Variants in KIF26B observed in about 807,000 individuals in gnomAD.
KIF26B encodes kinesin-like protein KIF26B.
Under a neutral mutation model 151.2 loss-of-function variants are expected in KIF26B, and 63 were observed. That is an observed-to-expected ratio of 0.42 (90% CI 0.34 to 0.51). The LOEUF (loss-of-function observed/expected upper bound fraction) is 0.51. Ranked by LOEUF, KIF26B falls within the 20% of genes least tolerant of loss-of-function variation. The pLI is 0.07. For synonymous variants in KIF26B, 1,357 were observed against 1,262.1 expected (o/e 1.08, Z -1.59); for missense variants, 2,813 against 2,913.6 (o/e 0.97, Z 0.79).
chr1:245,651,289 G>GAC (rs547538388), intron 10 of KIF26B, among the ~76,000 whole-genome samples: 1 of 152,310 alleles, frequency 6.6e-6, no homozygotes, highest in South Asian at 2.1e-4. Flanking sequence ...GAAAGGAAAT[G>GAC]ACACTTCATA....
At chr1:245,519,695 GCCT>G (rs2103089077) in intron 4 of KIF26B, among the ~76,000 whole-genome samples, 1 of 152,224 alleles carries the variant, frequency 6.6e-6, no homozygotes, top group East Asian at 1.9e-4. Flanking sequence ...AGATGGTATA[GCCT>G]CCTACACACC....
intron 4 of KIF26B, among the ~76,000 whole-genome samples, chr1:245,499,494 AT>A (rs1660577476): frequency 6.6e-6 from 1 of 152,204 alleles, no homozygotes; most frequent in African/African-American, 2.4e-5. Flanking sequence ...TTATTATCTG[AT>A]TTTATTATTC....
intron 10 of KIF26B, among the ~76,000 whole-genome samples, chr1:245,683,663 T>C (rs2044468685): frequency 6.6e-6 from 1 of 152,194 alleles, no homozygotes. Flanking sequence ...TTCAGGAATA[T>C]GAATGCCTTT....
intron 2 of KIF26B, among the ~76,000 whole-genome samples, chr1:245,172,356 G>A (rs1668728202): frequency 6.6e-6 from 1 of 152,220 alleles, no homozygotes; most frequent in Admixed American, 6.5e-5. Context: ...GGCTGGGAGG[G>A]AGTCGGAAGG....
chr1:245,688,333 A>G lies in KIF26B; in HGVS notation c.5350A>G (p.Thr1784Ala). ...CGGTGGGAAGCACACGCCCTGGTCC[A>G]CGCAGTCCCTCAGCAGGAACAGGAG... ...PPGGKHTPWS[T>A]QSLSRNRSSG... The change falls in exon 12 of 15, where the codon ACG becomes GCG. Residue 1784 changes from threonine to alanine, a missense_variant. By Grantham distance (58) the Thr-to-Ala change is moderately conservative (BLOSUM62 0). Around this residue, in one of 3 missense-constraint regions of KIF26B, gnomAD observed 2,060 missense variants for 2,088.6 expected, o/e 0.99. Coordinates refer to ENST00000407071, the MANE Select transcript of KIF26B (RefSeq NM_018012.4). The G allele has an allele frequency of 6.3e-7, 1 of 1,591,092 alleles. No individual in the cohort carries two copies.
chr1:245,627,888 G>A (rs1226293877), intron 9 of KIF26B, among the ~76,000 whole-genome samples: 1 of 152,094 alleles, frequency 6.6e-6, no homozygotes, highest in Non-Finnish European at 1.5e-5. Flanking sequence ...TAGAAGAAAT[G>A]GATAAATTCC....
intron 2 of KIF26B, among the ~76,000 whole-genome samples, chr1:245,266,082 T>G: frequency 6.6e-6 from 1 of 152,270 alleles, no homozygotes; most frequent in Non-Finnish European, 1.5e-5. Flanking sequence ...GGATTTGTAT[T>G]TAGAGTATGT....
intron 10 of KIF26B, among the ~76,000 whole-genome samples, chr1:245,671,776 G>A (rs2044289507): frequency 6.6e-6 from 1 of 152,202 alleles, no homozygotes; most frequent in South Asian, 2.1e-4. Flanking sequence ...TGGATTCATG[G>A]ATTTGAGCAG....
intron 3 of KIF26B, among the ~76,000 whole-genome samples, chr1:245,389,324 G>C (rs947221357): frequency 4.0e-5 from 6 of 151,812 alleles, no homozygotes; most frequent in Admixed American, 6.6e-5. Flanking sequence ...CATTGGCCAG[G>C]CTGGTCTTGA....
intron 2 of KIF26B, among the ~76,000 whole-genome samples, chr1:245,205,744 G>T (rs555069331): frequency 7.2e-6 from 1 of 138,806 alleles, no homozygotes; most frequent in Non-Finnish European, 1.5e-5. Context: ...ATAGGGTCTC[G>T]TTCTGTTGCC....
Position 245,474,423 on chromosome 1 carries a change from T to TG in KIF26B, c.1166+54678_1166+54679insG, listed in dbSNP as rs1413896767. ...GCTCCTGGCTTTTTTTTGTTGTTGT[T>TG]TTTTTTTTTTTGGAGTCTCACTCTG... On this transcript the variant is annotated intron_variant, in intron 4 of 14. Transcript: ENST00000407071. Among the ~76,000 whole-genome samples the TG allele has an allele frequency of 3.2e-3, 434 of 136,082 alleles. 9 individuals carry two copies. Among genetic ancestry groups the TG allele is most frequent in the Middle Eastern group, 7.6e-3 (2 of 262 alleles). 89.3% of individuals were successfully genotyped at this position (136,082 alleles called of 152,430 possible).
Position 245,211,738 on chromosome 1 carries a change from G to A in KIF26B, c.465+55055G>A, listed in dbSNP as rs561331194. Among the ~76,000 whole-genome samples, 10 of 152,310 alleles carry A rather than the reference G, an allele frequency of 6.6e-5. No homozygotes were observed. In the East Asian group the frequency reaches 1.9e-3, roughly 29 times the overall value. On this transcript the variant is annotated intron_variant, in intron 2 of 14. Transcript: ENST00000407071. The stretch of plus-strand genomic sequence containing the variant: ...ATAAAGAAAAAAATTTAAATCCTCT[G>A]TTTCTTCTCTTCCTCATCTTCCCTT...
At chr1:245,326,462 G>C (rs61744037) in intron 2 of KIF26B, among the ~76,000 whole-genome samples, 6,585 of 152,264 alleles carry the variant, frequency 0.043, 460 homozygotes, top group African/African-American at 0.15. Flanking sequence ...CCTCAGCCCA[G>C]AGATTCAAAT....
intron 2 of KIF26B, chr1:245,226,163 T>TG (rs35694848): frequency 6.6e-6 from 1 of 152,178 alleles, no homozygotes; most frequent in Non-Finnish European, 1.5e-5. Context: ...GTGGGCAAAG[T>TG]GGGGAAGATC....
At position 245,688,479 on chromosome 1, in the gene KIF26B, C is replaced by A. The variant is rs966709618; in HGVS notation, c.5496C>A (p.Arg1832=). ...GGGCCGGGCCCGAGGCGGAGGCGCG[C>A]GGGGGGGCCCTGGCCGAGGACGAGC... ...QLRAGPEAEA[R]GGALAEDEPA... The change falls in exon 12 of 15, where the codon CGC becomes CGA. Residue 1832 remains arginine, a synonymous_variant. Transcript: ENST00000407071. 48 of 1,385,500 alleles carry A rather than the reference C, an allele frequency of 3.5e-5. No individual in the cohort carries two copies. Among genetic ancestry groups the A allele is most frequent in the Non-Finnish European group, 4.3e-5 (47 of 1,081,102 alleles). The allele number at this position is 1,385,500 out of a possible 1,614,324, so 85.8% of individuals were successfully genotyped here. A position where few individuals can be genotyped will look rare whatever the true frequency, so the allele number is the denominator to read the frequency against.
At position 245,302,988 on chromosome 1, in the gene KIF26B, C is replaced by CAAAAAAAA. The variant is rs74163037; in HGVS notation, c.466-63828_466-63821dup. Among the ~76,000 whole-genome samples the CAAAAAAAA allele has an allele frequency of 1.5e-3, 54 of 35,782 alleles. 3 individuals are homozygous for CAAAAAAAA. The highest frequency in any genetic ancestry group is 3.5e-3 in the Admixed American group (7 of 2,028). 23.5% of individuals were successfully genotyped at this position (35,782 alleles called of 152,430 possible). On this transcript the variant is annotated intron_variant, in intron 2 of 14. Transcript: ENST00000407071. ...TGGGCAATAGAGCAAGACTCTGTCT[C>CAAAAAAAA]AAAAAAAAAAAAAAAAAAAAAAAAA...
At chr1:245,264,965 C>T (rs1397076159) in intron 2 of KIF26B, among the ~76,000 whole-genome samples, 494 of 143,416 alleles carry the variant, frequency 3.4e-3, no homozygotes, top group African/African-American at 0.011. Flanking sequence ...TTTGGGAGGC[C>T]GAGGCGGGCA....
At position 245,369,168 on chromosome 1, in the gene KIF26B, TGAGAGA is replaced by T. The variant is rs112848389; in HGVS notation, c.999+1826_999+1831del. ...ACTCTGAATTGGGAAAAAAGAAGAG[TGAGAGA>T]GAGAGAGAGAGAGAGAGAGAGAGAC... is the stretch of plus-strand genomic sequence containing the variant. On this transcript the variant is annotated intron_variant, in intron 3 of 14. Coordinates refer to ENST00000407071, the MANE Select transcript of KIF26B (RefSeq NM_018012.4). Among the ~76,000 whole-genome samples, 158 of 135,824 alleles carry T rather than the reference TGAGAGA, an allele frequency of 1.2e-3. 2 individuals carry two copies. The highest frequency in any genetic ancestry group is 3.3e-3 in the South Asian group (13 of 3,946). The allele number at this position is 135,824 out of a possible 152,430, so 89.1% of individuals were successfully genotyped here. A position where few individuals can be genotyped will look rare whatever the true frequency, so the allele number is the denominator to read the frequency against.
chr1:245,429,832 C>T (rs1658736312), intron 4 of KIF26B, among the ~76,000 whole-genome samples: 1 of 152,190 alleles, frequency 6.6e-6, no homozygotes, highest in Non-Finnish European at 1.5e-5. Context: ...CCAGGCTGGT[C>T]TTGGACACCT....
Sources: allele counts gnomAD v4.1 joint callset (sites outside exome capture counted in the v4.1 genomes callset), GRCh38; gene constraint gnomAD v4.1.1; regional missense constraint gnomAD v4.1.1; transcripts MANE v1.5; gene names NCBI Gene and HGNC (gene_info 2026-07-23, HGNC 2026-07-21).